The following RARB variants were observed in gnomAD, a reference collection of about 807,000 sequenced individuals.
The protein encoded by RARB is HBV-activated protein.
A neutral mutation model predicts 51.9 loss-of-function variants in RARB; 17 were observed. That is an observed-to-expected ratio of 0.33 (90% CI 0.22 to 0.49). The LOEUF is 0.49. RARB is among the 20% of genes least tolerant of loss of function. The probability of loss-of-function intolerance (pLI) is 0.99; values close to 1 mark genes in which losing one functional copy is unlikely to be tolerated. For synonymous variants in RARB, 215 were observed against 195.4 expected (o/e 1.10, Z -0.84); for missense variants, 369 against 550.8 (o/e 0.67, Z 3.30).
chr3:25,245,212 T>C (rs1350816812), intron 5 of RARB, among the ~76,000 whole-genome samples: 3 of 152,214 alleles, frequency 2.0e-5, no homozygotes, highest in African/African-American at 7.2e-5. Flanking sequence ...AAGTGTGAGA[T>C]GGGTCTCCTG....
intron 3 of RARB, among the ~76,000 whole-genome samples, chr3:25,511,410 T>G (rs192187908): frequency 1.3e-3 from 202 of 152,270 alleles, no homozygotes; most frequent in African/African-American, 4.7e-3. Context: ...GGATTACAAG[T>G]GTGAGCCACA....
At position 25,501,345 on chromosome 3, in the gene RARB, T is replaced by C. The variant is rs145237506; in HGVS notation, c.448+22T>C. On this transcript the variant is annotated intron_variant, in intron 3 of 7. Transcript: ENST00000330688. The stretch of plus-strand genomic sequence containing the variant: ...GAATGTAAGTGGAGTCTCAAAAAAC[T>C]TTTTCCCTGTTTTCCTTATCTCTGT... 7.6e-4 allele frequency: 1,220 copies of C among 1,604,264 alleles called. 8 individuals are homozygous for C. The African/African-American group carries it at 0.015, about 20-fold the overall frequency.
At chr3:25,390,003 G>T (rs1706905148) in intron 5 of RARB, among the ~76,000 whole-genome samples, 1 of 152,148 alleles carries the variant, frequency 6.6e-6, no homozygotes, top group African/African-American at 2.4e-5. Flanking sequence ...GGTAAAACAA[G>T]GCTGGCGGAA....
chr3:25,186,628 G>C (rs1700980660), intron 5 of RARB, among the ~76,000 whole-genome samples: 2 of 152,098 alleles, frequency 1.3e-5, no homozygotes, highest in Admixed American at 6.6e-5. Context: ...AACATGGATA[G>C]ATCATAGAAA....
chr3:25,048,189 C>G (rs537959097), intron 2 of RARB, among the ~76,000 whole-genome samples: 2 of 152,296 alleles, frequency 1.3e-5, no homozygotes, highest in East Asian at 3.9e-4. Context: ...GACTCATACA[C>G]AGGATAATTG....
chr3:25,365,363 CG>C (rs778664764), intron 5 of RARB, among the ~76,000 whole-genome samples: 2 of 151,854 alleles, frequency 1.3e-5, no homozygotes, highest in African/African-American at 4.8e-5. Context: ...CCTCCTGCCT[CG>C]GCCTCTCAAA....
rs574124384 is a variant in RARB, at chr3:25,206,685, A to C, written c.178+32110A>C. On this transcript the variant is annotated intron_variant, in intron 5 of 11. Transcript: ENST00000383772. The stretch of plus-strand genomic sequence containing the variant: ...AATACAGTAGCTCAATGAAACACAC[A>C]AAAATTATGTTGGGGTTATTCTTTC... 2.9e-4 allele frequency among the ~76,000 whole-genome samples: 44 copies of C among 152,348 alleles called. No homozygotes were observed. The Middle Eastern group carries it at 0.01, about 35-fold the overall frequency.
intron 5 of RARB, among the ~76,000 whole-genome samples, chr3:25,338,589 T>C (rs1157291520): frequency 2.6e-5 from 4 of 152,134 alleles, no homozygotes; most frequent in Non-Finnish European, 5.9e-5. Context: ...ACCTCCCTTT[T>C]AACCATAGGG....
Position 25,461,257 on chromosome 3 carries a change from C to T in RARB, c.222C>T (p.Pro74=), listed in dbSNP as rs1239393024. Residue 74 remains proline (P), a synonymous_variant, in exon 2 of 8, where the codon CCC becomes CCT. Coordinates refer to ENST00000330688, the MANE Select transcript of RARB (RefSeq NM_000965.5). The stretch of plus-strand genomic sequence containing the variant: ...CAAGCCCCCCATCTCCACTTCCTCC[C>T]CCTCGAGTGTACAAACCCTGCTTCG... ...LVPSPPSPLP[P]PRVYKPCFVC... The T allele has an allele frequency of 8.1e-6, 13 of 1,614,100 alleles. No individual in the cohort carries two copies. Among genetic ancestry groups the T allele is most frequent in the Non-Finnish European group, 1.1e-5 (13 of 1,179,984 alleles).
At chr3:25,359,602 G>T (rs546019916) in intron 5 of RARB, among the ~76,000 whole-genome samples, 39 of 152,228 alleles carry the variant, frequency 2.6e-4, no homozygotes, top group African/African-American at 8.7e-4. Flanking sequence ...GCTTTCTTCT[G>T]TGGGCATTTA....
chr3:25,312,739 C>A (rs1004896294), intron 5 of RARB, among the ~76,000 whole-genome samples: 4 of 152,112 alleles, frequency 2.6e-5, no homozygotes, highest in Non-Finnish European at 5.9e-5. Context: ...AGATTTCTAA[C>A]CTCTGTTTTA....
intron 5 of RARB, among the ~76,000 whole-genome samples, chr3:25,245,446 T>G (rs1279891237): frequency 1.3e-5 from 2 of 152,186 alleles, no homozygotes; most frequent in African/African-American, 2.4e-5. Context: ...TGGTACCGGT[T>G]TTTCCTTTCC....
At chr3:24,859,017 A>G (rs1702685836) in intron 2 of RARB, among the ~76,000 whole-genome samples, 1 of 143,484 alleles carries the variant, frequency 7.0e-6, no homozygotes, top group Admixed American at 7.2e-5. Context: ...AGCCTGGATG[A>G]CAGAGCAAGA....
chr3:24,911,455 C>T (rs998424577), intron 2 of RARB, among the ~76,000 whole-genome samples: 1 of 152,196 alleles, frequency 6.6e-6, no homozygotes, highest in Non-Finnish European at 1.5e-5. Context: ...ATTTCTGTTG[C>T]ATATGTACAG....
At chr3:25,126,559 T>C (rs17015821) in intron 3 of RARB, among the ~76,000 whole-genome samples, 3,216 of 152,226 alleles carry the variant, frequency 0.021, 89 homozygotes, top group African/African-American at 0.064. Context: ...CATTTCAAAC[T>C]TTCATGTGCA....
chr3:25,012,826 A>G (rs1283174591), intron 2 of RARB, among the ~76,000 whole-genome samples: 1 of 152,138 alleles, frequency 6.6e-6, no homozygotes, highest in African/African-American at 2.4e-5. Flanking sequence ...TATATAAACA[A>G]TACGGTAGGC....
At chr3:25,321,581 G>A (rs997327391) in intron 5 of RARB, among the ~76,000 whole-genome samples, 3 of 152,048 alleles carry the variant, frequency 2.0e-5, no homozygotes, top group Admixed American at 6.6e-5. Flanking sequence ...GCCGGGCATG[G>A]TGGCAGGTAC....
chr3:25,386,683 G>A (rs1706804149), intron 5 of RARB, among the ~76,000 whole-genome samples: 1 of 152,150 alleles, frequency 6.6e-6, no homozygotes, highest in South Asian at 2.1e-4. Context: ...TTTGAGAGGA[G>A]TTGTACCTTC....
At chr3:24,868,367 GCTTTTAAAAAGTGAATTCTT>G (rs1702888959) in intron 2 of RARB, among the ~76,000 whole-genome samples, 1 of 152,082 alleles carries the variant, frequency 6.6e-6, no homozygotes, top group Admixed American at 6.6e-5. Flanking sequence ...GGCTGATAAA[GCTTTTAAAAAGTGAATTCTT>G]TTCAAAATAC....
Sources: gnomAD v4.1 joint callset for allele counts (sites outside exome capture counted in the v4.1 genomes callset) on GRCh38, gnomAD v4.1.1 for gene constraint, MANE v1.5 for transcripts, NCBI Gene and HGNC (gene_info 2026-07-23, HGNC 2026-07-21) for gene names.